The following PHF21B variants were observed in gnomAD, a reference collection of about 807,000 sequenced individuals.
PHF21B encodes PHD finger protein 21B, also known as PHD finger protein 4.
Under a neutral mutation model 62.2 loss-of-function variants are expected in PHF21B, and 22 were observed. The observed-to-expected ratio is 0.35, with a 90% CI of 0.25 to 0.51. The LOEUF (loss-of-function observed/expected upper bound fraction) is 0.51, where lower values mean the gene tolerates loss of function less well. Ranked by LOEUF, PHF21B falls within the 20% of genes least tolerant of loss-of-function variation. The pLI is 0.97. For missense variants in PHF21B, 701 were observed against 707.9 expected, an observed-to-expected ratio of 0.99 and a Z score of 0.11; for synonymous variants, 341 against 314.7, an observed-to-expected ratio of 1.08 and a Z score of -0.88.
chr22:44,958,324 G>A (rs1224517083), intron 2 of PHF21B, among the ~76,000 whole-genome samples: 1 of 152,146 alleles, frequency 6.6e-6, no homozygotes, highest in East Asian at 1.9e-4. Flanking sequence ...CCTGTGCTCT[G>A]GAATTTCATG....
chr22:44,923,029 C>T (rs1441202276), intron 2 of PHF21B, among the ~76,000 whole-genome samples: 1 of 151,758 alleles, frequency 6.6e-6, no homozygotes, highest in Admixed American at 6.6e-5. Context: ...AACTATGAAA[C>T]AAACAAAAAT....
chr22:44,897,089 G>A (rs759853535), intron 5 of PHF21B, among the ~76,000 whole-genome samples: 3 of 151,894 alleles, frequency 2.0e-5, no homozygotes, highest in Non-Finnish European at 4.4e-5. Flanking sequence ...ATGTTGCCCA[G>A]GCTGGTCTTG....
At chr22:44,992,608 G>A (rs1299846447) in intron 2 of PHF21B, among the ~76,000 whole-genome samples, 1 of 152,256 alleles carries the variant, frequency 6.6e-6, no homozygotes, top group Non-Finnish European at 1.5e-5. Context: ...GGGTGGCAGA[G>A]CCAGGGTCCC....
At chr22:44,985,934 CACT>C (rs1414126387) in intron 2 of PHF21B, among the ~76,000 whole-genome samples, 6 of 151,190 alleles carry the variant, frequency 4.0e-5, no homozygotes, top group Non-Finnish European at 8.8e-5. Flanking sequence ...GCACCACCAC[CACT>C]ACCATCACCA....
intron 2 of PHF21B, among the ~76,000 whole-genome samples, chr22:44,992,519 T>C (rs2073057226): frequency 1.3e-5 from 2 of 152,182 alleles, no homozygotes; most frequent in Admixed American, 6.5e-5. Context: ...CATCAAACCT[T>C]GGAAAACATC....
intron 5 of PHF21B, chr22:44,901,659 G>A (rs899693301): frequency 7.8e-6 from 4 of 513,686 alleles, no homozygotes; most frequent in Admixed American, 3.4e-5. Flanking sequence ...GTGGCAAGGT[G>A]AAAAGGGGGA....
intron 2 of PHF21B, among the ~76,000 whole-genome samples, chr22:44,957,132 C>T (rs906998822): frequency 4.6e-5 from 7 of 152,158 alleles, no homozygotes; most frequent in Non-Finnish European, 8.8e-5. Flanking sequence ...CCTCGTCCTG[C>T]GCATTCTTCT....
chr22:44,970,458 T>A (rs1042089634), intron 2 of PHF21B, among the ~76,000 whole-genome samples: 7 of 152,202 alleles, frequency 4.6e-5, no homozygotes, highest in African/African-American at 1.7e-4. Flanking sequence ...GGCAGCCCCA[T>A]GCCCACCCCT....
At chr22:44,920,595 A>T (rs2071517975) in intron 2 of PHF21B, 105 bp from the exon 3 acceptor site, 1 of 583,404 alleles carries the variant, frequency 1.7e-6, no homozygotes, top group Non-Finnish European at 3.0e-6. Flanking sequence ...GAGACAGCAA[A>T]TTCTACTCTT....
chr22:44,887,822 C>A (rs979662478), intron 10 of PHF21B, 141 bp downstream of exon 10: 87 of 866,756 alleles, frequency 1.0e-4, no homozygotes, highest in Non-Finnish European at 1.3e-4. Context: ...GATTATCCAG[C>A]CCCAAATGTC....
chr22:44,949,084 C>T (rs1228578691), intron 2 of PHF21B, among the ~76,000 whole-genome samples: 2 of 152,140 alleles, frequency 1.3e-5, no homozygotes, highest in African/African-American at 4.8e-5. Context: ...AGCAGATCAC[C>T]TGAGGTCAGG....
intron 2 of PHF21B, among the ~76,000 whole-genome samples, chr22:44,970,142 C>G (rs756453843): frequency 2.0e-5 from 3 of 152,248 alleles, no homozygotes; most frequent in Non-Finnish European, 4.4e-5. Flanking sequence ...ATCGGAGATG[C>G]ATGGCACTCC....
intron 8 of PHF21B, among the ~76,000 whole-genome samples, chr22:44,890,900 A>C (rs892055684): frequency 6.6e-6 from 1 of 152,250 alleles, no homozygotes; most frequent in African/African-American, 2.4e-5. Flanking sequence ...TCCAATGCCC[A>C]GAGCAGGCAC....
intron 2 of PHF21B, among the ~76,000 whole-genome samples, chr22:44,928,800 T>C (rs2071683778): frequency 6.6e-6 from 1 of 152,218 alleles, no homozygotes; most frequent in Non-Finnish European, 1.5e-5. Context: ...GTGTTTCCCA[T>C]GGAGACCCTC....
rs7287741 is a variant in PHF21B, at chr22:44,907,165, G to C, written c.831+6657C>G. On this transcript the variant is annotated intron_variant, in intron 5 of 12. Coordinates refer to ENST00000313237, the MANE Select transcript of PHF21B (RefSeq NM_138415.5). ...GCAGCCTGGGAACCTCAGTCTGACAGTGGCCCCGCCCACCCCCAGCCTCCG... is the reference window on the plus strand; with the variant it reads ...GCAGCCTGGGAACCTCAGTCTGACACTGGCCCCGCCCACCCCCAGCCTCCG... Among the ~76,000 whole-genome samples the C allele has an allele frequency of 8.6e-3, 1,313 of 152,360 alleles. 16 individuals carry two copies. Among genetic ancestry groups the C allele is most frequent in the African/African-American group, 0.029 (1,215 of 41,578 alleles).
At position 44,947,398 on chromosome 22, in the gene PHF21B, T is replaced by C. The variant is rs79999691; in HGVS notation, c.121-26908A>G. ...GTGACTGACAGCCATGGATGCTAACTTAGGAAGTGCCCGCTGGGCCTTAAA... is the reference window on the plus strand; with the variant it reads ...GTGACTGACAGCCATGGATGCTAACCTAGGAAGTGCCCGCTGGGCCTTAAA... On this transcript the variant is annotated intron_variant, in intron 2 of 12. Coordinates refer to ENST00000313237, the MANE Select transcript of PHF21B (RefSeq NM_138415.5). Among the ~76,000 whole-genome samples, 530 of 152,340 alleles carry C rather than the reference T, an allele frequency of 3.5e-3. 5 individuals carry two copies. Among genetic ancestry groups the C allele is most frequent in the African/African-American group, 0.012 (501 of 41,580 alleles).
At chr22:44,949,318 A>AAAAAAAAAAAAAAAG (rs1569248310) in intron 2 of PHF21B, among the ~76,000 whole-genome samples, 2 of 144,790 alleles carry the variant, frequency 1.4e-5, no homozygotes, top group African/African-American at 2.7e-5. Flanking sequence ...AAGAAAAAAA[A>AAAAAAAAAAAAAAAG]AAAAAAAGAA....
At chr22:44,999,878 G>A (rs1463742769) in intron 2 of PHF21B, among the ~76,000 whole-genome samples, 2 of 152,038 alleles carry the variant, frequency 1.3e-5, no homozygotes, top group Non-Finnish European at 2.9e-5. Context: ...ACACCAGGAC[G>A]CGTCAGGACA....
At chr22:44,905,614 A>G (rs2071235026) in intron 5 of PHF21B, among the ~76,000 whole-genome samples, 1 of 151,924 alleles carries the variant, frequency 6.6e-6, no homozygotes, top group Admixed American at 6.6e-5. Flanking sequence ...CCTGGGCACA[A>G]TTTCTTTTTG....
Sources: allele counts gnomAD v4.1 joint callset (sites outside exome capture counted in the v4.1 genomes callset), GRCh38; gene constraint gnomAD v4.1.1; transcripts MANE v1.5; gene names NCBI Gene and HGNC (gene_info 2026-07-23, HGNC 2026-07-21).